C4orf50: variants seen among roughly 807,000 people sequenced by gnomAD.
The protein encoded by C4orf50 is chromosome 4 open reading frame 50.
Under a neutral mutation model 77.2 loss-of-function variants are expected in C4orf50, and 80 were observed. The ratio of observed to expected loss-of-function variants is 1.04; its 90% CI spans 0.87 to 1.25. The LOEUF (loss-of-function observed/expected upper bound fraction) is 1.25, where lower values mean the gene tolerates loss of function less well. Ranked by LOEUF, C4orf50 falls within the 50% of genes most tolerant of loss-of-function variation. C4orf50 has a pLI of 0.00. For missense variants in C4orf50, 1,257 were observed against 1,152.9 expected (o/e 1.09, Z -1.31); for synonymous variants, 532 against 465.3 (o/e 1.14, Z -1.84).
At chr4:5,995,792 G>A (rs1176548461) in intron 25 of C4orf50, among the ~76,000 whole-genome samples, 3 of 152,200 alleles carry the variant, frequency 2.0e-5, no homozygotes, top group African/African-American at 7.2e-5. Context: ...AGATTGACGA[G>A]TGCATTCATT....
intron 28 of C4orf50, among the ~76,000 whole-genome samples, chr4:5,986,988 T>A (rs1334905878): frequency 6.6e-6 from 1 of 152,154 alleles, no homozygotes; most frequent in Admixed American, 6.5e-5. Context: ...TGTGGGATGC[T>A]TAGAGAGAAA....
intron 7 of C4orf50, among the ~76,000 whole-genome samples, chr4:5,923,068 T>A (rs1272657961): frequency 6.6e-6 from 1 of 152,130 alleles, no homozygotes; most frequent in East Asian, 1.9e-4. Context: ...GGACACAGAG[T>A]GAACTTTCCT....
rs1716664038 is a variant in C4orf50, at chr4:5,908,759, C to T, written c.*2475-10571G>A. 6.6e-6 allele frequency among the ~76,000 whole-genome samples: 1 copy of T among 152,168 alleles called. No homozygotes were observed. Among genetic ancestry groups the T allele is most frequent in the Non-Finnish European group, 1.5e-5 (1 of 68,042 alleles). On this transcript the variant is annotated intron_variant, in intron 7 of 7. Coordinates refer to the C4orf50 transcript ENST00000324058. The surrounding 1 kb of genome is among the most constrained non-coding windows in gnomAD (Gnocchi z 5.6). Reference sequence around the variant, plus strand: ...CACCTAGCTCCCAAGGTCATGCAGCCTTCAGTGGGGATGCACAGGGGATGT... The same window carrying T: ...CACCTAGCTCCCAAGGTCATGCAGCTTTCAGTGGGGATGCACAGGGGATGT...
At chr4:5,966,044 C>T (rs1244707473) in intron 32 of C4orf50, among the ~76,000 whole-genome samples, 4 of 152,238 alleles carry the variant, frequency 2.6e-5, no homozygotes, top group Non-Finnish European at 5.9e-5. Context: ...CCCGCCCCCA[C>T]GCTGAGGGTA....
At chr4:5,978,015 G>C (rs1720380317) in intron 29 of C4orf50, among the ~76,000 whole-genome samples, 1 of 152,178 alleles carries the variant, frequency 6.6e-6, no homozygotes, top group Non-Finnish European at 1.5e-5. Flanking sequence ...GGAAGAATCT[G>C]AATAAACTCT....
chr4:6,004,380 GATGGT>G (rs1722129848), intron 25 of C4orf50, among the ~76,000 whole-genome samples: 4 of 120,188 alleles, frequency 3.3e-5, no homozygotes, highest in East Asian at 6.2e-4. Flanking sequence ...TGATGGTGAT[GATGGT>G]GATGGTGGTG....
intron 7 of C4orf50, among the ~76,000 whole-genome samples, chr4:5,914,537 T>C (rs1402667544): frequency 2.0e-5 from 3 of 152,180 alleles, no homozygotes; most frequent in Non-Finnish European, 4.4e-5. Flanking sequence ...TAACTGCTTT[T>C]CTCTGTGTTC....
At chr4:5,914,013 T>C (rs542206176) in intron 7 of C4orf50, among the ~76,000 whole-genome samples, 52 of 152,254 alleles carry the variant, frequency 3.4e-4, no homozygotes, top group African/African-American at 1.2e-3. Flanking sequence ...GAAAGGTTCA[T>C]GCTATGTAAT....
intron 7 of C4orf50, among the ~76,000 whole-genome samples, chr4:5,910,726 C>A (rs1028594592): frequency 2.0e-5 from 3 of 152,084 alleles, no homozygotes; most frequent in African/African-American, 7.2e-5. Flanking sequence ...TAGCCCTGGG[C>A]AAGAAGCTTT....
chr4:5,984,931 C>T (rs970072971), intron 28 of C4orf50, among the ~76,000 whole-genome samples: 1 of 150,820 alleles, frequency 6.6e-6, no homozygotes, highest in Non-Finnish European at 1.5e-5. Context: ...TATAGTGAAG[C>T]TGCCAAAACT....
intron 23 of C4orf50, 81 bp from the exon 2 acceptor site, chr4:6,012,049 T>A (rs73071523): frequency 2.5e-6 from 1 of 396,718 alleles, no homozygotes; most frequent in Non-Finnish European, 4.4e-6. Flanking sequence ...CAGGGCCAAA[T>A]TATTATTATT....
intron 7 of C4orf50, among the ~76,000 whole-genome samples, chr4:5,917,406 CTTTTTTTTTTTTT>C (rs34928524): frequency 1.2e-5 from 1 of 86,402 alleles, no homozygotes; most frequent in Non-Finnish European, 2.4e-5. Flanking sequence ...TCCTGTATTT[CTTTTTTTTTTTTT>C]TTTTTTTTTT....
chr4:5,903,333 G>A (rs1353276548), intron 7 of C4orf50: 1 of 152,052 alleles, frequency 6.6e-6, no homozygotes, highest in Non-Finnish European at 1.5e-5. Context: ...TGCAACATAG[G>A]CATTTGTACA....
chr4:5,936,562 CAAAAAAAAA>C (rs374200584), intron 7 of C4orf50, among the ~76,000 whole-genome samples: 20 of 75,428 alleles, frequency 2.7e-4, no homozygotes, highest in African/African-American at 1.1e-3. Flanking sequence ...GACGCCATCT[CAAAAAAAAA>C]AAAAAAAAAA....
intron 32 of C4orf50, among the ~76,000 whole-genome samples, chr4:5,966,566 A>G (rs1719579180): frequency 1.3e-5 from 2 of 151,942 alleles, no homozygotes; most frequent in African/African-American, 4.8e-5. Context: ...CAAATGTTTT[A>G]GGTGCTGTCC....
chr4:6,003,285 C>T (rs73196054), intron 25 of C4orf50, among the ~76,000 whole-genome samples: 27,962 of 152,190 alleles, frequency 0.18, 2,762 homozygotes, highest in Non-Finnish European at 0.22. Context: ...CACATCTAAA[C>T]TGTTCCAGTC....
intron 7 of C4orf50, among the ~76,000 whole-genome samples, chr4:5,935,529 T>G (rs1717969149): frequency 6.6e-6 from 1 of 152,134 alleles, no homozygotes; most frequent in Non-Finnish European, 1.5e-5. Flanking sequence ...GGCTCATGAC[T>G]GTGATCCCAG....
chr4:5,944,137 A>G (rs998345484), intron 7 of C4orf50, among the ~76,000 whole-genome samples: 2 of 152,208 alleles, frequency 1.3e-5, no homozygotes, highest in Middle Eastern at 3.2e-3. Context: ...CGCTCTGGGC[A>G]TCGAGCTTCC....
intron 7 of C4orf50, among the ~76,000 whole-genome samples, chr4:5,910,284 T>A (rs1716747339): frequency 6.6e-6 from 1 of 152,194 alleles, no homozygotes. Flanking sequence ...CAACTTAATG[T>A]GATTTTTACG....
Sources: gnomAD v4.1 joint callset for allele counts (sites outside exome capture counted in the v4.1 genomes callset) on GRCh38, gnomAD v4.1.1 for gene constraint, Gnocchi (gnomAD v3.1) non-coding constraint, MANE v1.5 for transcripts, NCBI Gene and HGNC (gene_info 2026-07-23, HGNC 2026-07-21) for gene names.